Variants in NHS observed in about 807,000 individuals in gnomAD.
The protein encoded by NHS is NHS actin remodeling regulator.
A neutral mutation model predicts 72.5 loss-of-function variants in NHS; 5 were observed. The observed-to-expected ratio is 0.07, with a 90% CI of 0.04 to 0.14. The LOEUF (loss-of-function observed/expected upper bound fraction) is 0.14. NHS is among the 10% of genes least tolerant of loss of function. NHS has a pLI of 1.00. For synonymous variants in NHS, 464 were observed against 547.7 expected (o/e 0.85, Z 2.13); for missense variants, 1,072 against 1,355.7 (o/e 0.79, Z 3.29).
Position 17,383,394 on chromosome X carries a change from G to A in NHS, c.565+7072G>A, listed in dbSNP as rs140214746. On this transcript the variant is annotated intron_variant, in intron 1 of 8. Coordinates refer to ENST00000676302, the MANE Select transcript of NHS (RefSeq NM_001291867.2). ...CCCCTCCCAGAACACTCTATAGTGT[G>A]TGTATTAGTCTGTTCTCTCACTGCT... Among the ~76,000 whole-genome samples the A allele has an allele frequency of 7.2e-5, 8 of 111,842 alleles. No homozygotes were observed. The East Asian group carries it at 2.2e-3, about 31-fold the overall frequency.
At chrX:17,703,120 A>T (rs891792842) in intron 3 of NHS, among the ~76,000 whole-genome samples, 1 of 110,873 alleles carries the variant, frequency 9.0e-6, no homozygotes, top group African/African-American at 3.3e-5. Context: ...AAATAAAAAA[A>T]GAAAGAAAGA....
chrX:17,682,081 C>G (rs1364394584), intron 1 of NHS, among the ~76,000 whole-genome samples: 1 of 110,576 alleles, frequency 9.0e-6, no homozygotes, highest in Non-Finnish European at 1.9e-5. Flanking sequence ...TCTCCTTGTA[C>G]TTTACCCTGT....
At chrX:17,673,568 G>C (rs2066062215) in intron 1 of NHS, among the ~76,000 whole-genome samples, 1 of 111,314 alleles carries the variant, frequency 9.0e-6, no homozygotes, top group African/African-American at 3.3e-5. Context: ...AATAAGATTA[G>C]CTATATTGAG....
At chrX:17,587,814 G>A (rs1272235432) in intron 1 of NHS, among the ~76,000 whole-genome samples, 1 of 112,334 alleles carries the variant, frequency 8.9e-6, no homozygotes, top group African/African-American at 3.2e-5. Flanking sequence ...ATTTGATTCA[G>A]CAAATGTTTG....
chrX:17,438,754 A>T (rs2064736649), intron 1 of NHS, among the ~76,000 whole-genome samples: 1 of 111,628 alleles, frequency 9.0e-6, no homozygotes, highest in African/African-American at 3.3e-5. Context: ...TAGTTCTCCA[A>T]CACTCTCCTT....
chrX:17,407,937 A>C (rs2064537080), intron 1 of NHS, among the ~76,000 whole-genome samples: 1 of 111,385 alleles, frequency 9.0e-6, no homozygotes, highest in Non-Finnish European at 1.9e-5. Flanking sequence ...GCCAGGGAGC[A>C]TTTGTTTCCC....
intron 1 of NHS, among the ~76,000 whole-genome samples, chrX:17,541,686 G>A (rs917613593): frequency 1.8e-5 from 2 of 108,657 alleles, no homozygotes; most frequent in East Asian, 2.9e-4. Context: ...GGCTTTCAGC[G>A]GCCAGCCCTG....
intron 1 of NHS, among the ~76,000 whole-genome samples, chrX:17,565,509 TAG>T (rs1278743491): frequency 8.9e-6 from 1 of 112,351 alleles, no homozygotes; most frequent in Non-Finnish European, 1.9e-5. Context: ...AACAATTTCT[TAG>T]AGTTTGACTT....
At chrX:17,485,000 G>T (rs1204192837) in intron 1 of NHS, among the ~76,000 whole-genome samples, 1 of 111,780 alleles carries the variant, frequency 8.9e-6, no homozygotes, top group East Asian at 2.8e-4. Flanking sequence ...GGTGTGAGAG[G>T]CTCCCCTCTT....
intron 1 of NHS, among the ~76,000 whole-genome samples, chrX:17,617,693 CT>C (rs1263455416): frequency 8.9e-6 from 1 of 112,340 alleles, no homozygotes; most frequent in Non-Finnish European, 1.9e-5. Context: ...CCCCAGAATG[CT>C]GCTAGGGCGA....
intron 1 of NHS, among the ~76,000 whole-genome samples, chrX:17,685,280 C>T (rs1295105697): frequency 9.0e-6 from 1 of 111,577 alleles, no homozygotes; most frequent in African/African-American, 3.3e-5. Flanking sequence ...AGGATGGTGG[C>T]AACTGATGAG....
chrX:17,468,922 T>C (rs2064880925), intron 1 of NHS, among the ~76,000 whole-genome samples: 1 of 111,460 alleles, frequency 9.0e-6, no homozygotes, highest in African/African-American at 3.3e-5. Flanking sequence ...ACAGTATAGC[T>C]TGGTGAGTTT....
intron 1 of NHS, among the ~76,000 whole-genome samples, chrX:17,582,355 A>T (rs1436288365): frequency 8.9e-6 from 1 of 112,125 alleles, no homozygotes; most frequent in Non-Finnish European, 1.9e-5. Flanking sequence ...GTCACTGAAG[A>T]GGGATAACTA....
chrX:17,522,501 C>T (rs759819396), intron 1 of NHS, among the ~76,000 whole-genome samples: 1 of 60,405 alleles, frequency 1.7e-5, no homozygotes, highest in East Asian at 6.5e-4. Context: ...CCGCCCCCCC[C>T]CCCCCGCCCC....
chrX:17,680,794 A>AAT (rs2066123441), intron 1 of NHS, among the ~76,000 whole-genome samples: 1 of 111,757 alleles, frequency 8.9e-6, no homozygotes, highest in South Asian at 3.8e-4. Context: ...CATTAGTAGA[A>AAT]TCCAATGACT....
At chrX:17,594,608 A>G (rs2065617143) in intron 1 of NHS, among the ~76,000 whole-genome samples, 1 of 112,321 alleles carries the variant, frequency 8.9e-6, no homozygotes, top group African/African-American at 3.2e-5. Flanking sequence ...GGCAATTCGG[A>G]GGCAGTGGGG....
intron 3 of NHS, among the ~76,000 whole-genome samples, chrX:17,702,120 T>C (rs1288784283): frequency 2.7e-5 from 3 of 110,491 alleles, no homozygotes; most frequent in Non-Finnish European, 5.7e-5. Context: ...TCTGAGTATA[T>C]TTTTTGGGTT....
At chrX:17,607,281 C>T (rs2065685270) in intron 1 of NHS, among the ~76,000 whole-genome samples, 1 of 111,668 alleles carries the variant, frequency 9.0e-6, no homozygotes, top group Non-Finnish European at 1.9e-5. Context: ...AGATAACCTA[C>T]CCCATCGGAT....
chrX:17,375,704 C>T lies in NHS; in HGVS notation c.-54C>T. On this transcript the variant is annotated 5_prime_UTR_variant, in exon 1 of 9. Coordinates refer to ENST00000676302, the MANE Select transcript of NHS (RefSeq NM_001291867.2). ...TGCTCAGGTGGGCGCGCCCGGTCTC[C>T]AGCTCACAGGGGCGCTTGGAGGAGA... 1.8e-6 allele frequency: 2 copies of T among 1,142,591 alleles called. No individual in the cohort carries two copies. Among genetic ancestry groups the T allele is most frequent in the Non-Finnish European group, 2.3e-6 (2 of 862,736 alleles). The allele number at this position is 1,142,591 out of a possible 1,213,427, so 94.2% of individuals were successfully genotyped here. A position where few individuals can be genotyped will look rare whatever the true frequency, so the allele number is the denominator to read the frequency against.
Sources: allele counts gnomAD v4.1 joint callset (sites outside exome capture counted in the v4.1 genomes callset), GRCh38; gene constraint gnomAD v4.1.1; transcripts MANE v1.5; gene names NCBI Gene and HGNC (gene_info 2026-07-23, HGNC 2026-07-21).